RAP1GAP2: variants seen among roughly 807,000 people sequenced by gnomAD.
The protein encoded by RAP1GAP2 is rap1 GTPase-activating protein 2.
RAP1GAP2 carries 27 observed loss-of-function variants against 95.0 expected under a neutral mutation model. The observed-to-expected ratio is 0.28, with a 90% CI of 0.21 to 0.39. RAP1GAP2 has a LOEUF of 0.39. Ranked by LOEUF, RAP1GAP2 falls within the 10% of genes least tolerant of loss-of-function variation. The pLI, the probability that RAP1GAP2 is intolerant of heterozygous loss-of-function variation, is 1.00. For missense variants in RAP1GAP2, 771 were observed against 970.0 expected, an observed-to-expected ratio of 0.79 and a Z score of 2.72; for synonymous variants, 373 against 380.9, an observed-to-expected ratio of 0.98 and a Z score of 0.24.
chr17:2,895,972 C>T (rs1321264817), intron 2 of RAP1GAP2, among the ~76,000 whole-genome samples: 2 of 152,018 alleles, frequency 1.3e-5, no homozygotes, highest in Middle Eastern at 3.2e-3. Context: ...ATGCTGGTCA[C>T]GTTCCTCTGC....
In RAP1GAP2 at chr17:2,851,707, G is replaced by T. The variant is rs147211715; in HGVS notation, c.80+51157G>T. On this transcript the variant is annotated intron_variant, in intron 2 of 24. Transcript: ENST00000254695. ...GAGAATGAATAATGGAACCTGCATGGTGGATTTTGTGCCTTCATCATCCCA... is the reference window on the plus strand; with the variant it reads ...GAGAATGAATAATGGAACCTGCATGTTGGATTTTGTGCCTTCATCATCCCA... 1.5e-3 allele frequency among the ~76,000 whole-genome samples: 225 copies of T among 152,268 alleles called. 1 individual carries two copies. Among genetic ancestry groups the T allele is most frequent in the Non-Finnish European group, 2.5e-3 (171 of 68,020 alleles).
chr17:2,923,821 C>T (rs112270452), intron 3 of RAP1GAP2, among the ~76,000 whole-genome samples: 312 of 152,208 alleles, frequency 2.0e-3, no homozygotes, highest in African/African-American at 7.0e-3. Context: ...CAGAAATATC[C>T]GTTCTTACCA....
At chr17:2,778,890 A>C (rs1199090646) in intron 1 of RAP1GAP2, among the ~76,000 whole-genome samples, 1 of 152,234 alleles carries the variant, frequency 6.6e-6, no homozygotes, top group Non-Finnish European at 1.5e-5. Flanking sequence ...CCTTACAGAC[A>C]GAACTGCTCT....
intron 1 of RAP1GAP2, among the ~76,000 whole-genome samples, chr17:2,798,783 C>T (rs565713521): frequency 6.6e-6 from 1 of 152,338 alleles, no homozygotes; most frequent in Admixed American, 6.5e-5. Context: ...CCTGAGGCCA[C>T]ACCCTGATGT....
In RAP1GAP2 at chr17:2,963,859, G is replaced by T; in HGVS notation, c.283G>T (p.Val95Leu). Residue 95 changes from valine to leucine, a missense_variant, in exon 7 of 25, where the codon GTG (valine) becomes TTG (leucine). Val to Leu is a conservative substitution (Grantham distance 32). Coordinates refer to ENST00000254695, the MANE Select transcript of RAP1GAP2 (RefSeq NM_015085.5). The surrounding 1 kb of genome is among the most constrained non-coding windows in gnomAD (Gnocchi z 4.8). ...ACGACCCTCCCTCTGCCTTCAGGTT[G>T]TGGAGAAGGGAGGCCCGTACCCTCA... The part of the protein sequence containing the change: ...YIPYPSIDEV[V>L]EKGGPYPQVI... 1 of 1,600,036 alleles carries T rather than the reference G, an allele frequency of 6.2e-7. No homozygotes were observed. Among genetic ancestry groups the T allele is most frequent in the Non-Finnish European group, 8.5e-7 (1 of 1,173,218 alleles).
chr17:2,929,745 T>C (rs1416628063), intron 3 of RAP1GAP2, among the ~76,000 whole-genome samples: 7 of 152,190 alleles, frequency 4.6e-5, no homozygotes, highest in African/African-American at 1.7e-4. Context: ...CAGTGGGCTC[T>C]TTTCCTGGGT....
At chr17:2,772,860 T>TTTC (rs2068424413), upstream of RAP1GAP2, among the ~76,000 whole-genome samples, 1 of 145,106 alleles carries the variant, frequency 6.9e-6, no homozygotes, top group Non-Finnish European at 1.5e-5. Flanking sequence ...TCTTTCTTTT[T>TTTC]TTTTTTTTTT....
At chr17:2,889,863 G>GTGTA (rs1363693850) in intron 2 of RAP1GAP2, among the ~76,000 whole-genome samples, 9 of 79,844 alleles carry the variant, frequency 1.1e-4, no homozygotes, top group Admixed American at 1.7e-4. Flanking sequence ...TTATGTGTGT[G>GTGTA]TATATATATA....
intron 2 of RAP1GAP2, among the ~76,000 whole-genome samples, chr17:2,854,289 C>A (rs1047328537): frequency 5.9e-5 from 9 of 152,166 alleles, no homozygotes; most frequent in African/African-American, 1.9e-4. Flanking sequence ...GGAGCCTGGG[C>A]AGGACCTTGG....
chr17:3,024,093 T>C (rs1321647928), intron 19 of RAP1GAP2, among the ~76,000 whole-genome samples: 2 of 152,156 alleles, frequency 1.3e-5, no homozygotes, highest in Admixed American at 6.5e-5. Context: ...GATTGCTTAA[T>C]TAATATGACC....
chr17:3,030,172 T>C (rs2047247878), intron 22 of RAP1GAP2, among the ~76,000 whole-genome samples: 1 of 106,434 alleles, frequency 9.4e-6, no homozygotes, highest in Non-Finnish European at 2.1e-5. Context: ...GTATAATATA[T>C]ATTATACACA....
intron 2 of RAP1GAP2, among the ~76,000 whole-genome samples, chr17:2,862,808 G>A (rs904662726): frequency 6.6e-6 from 1 of 151,978 alleles, no homozygotes; most frequent in Non-Finnish European, 1.5e-5. Context: ...GACCAGCCTG[G>A]CCAACGTGGC....
intron 2 of RAP1GAP2, among the ~76,000 whole-genome samples, chr17:2,837,624 TGAG>T (rs2071194773): frequency 9.1e-6 from 1 of 109,588 alleles, no homozygotes; most frequent in African/African-American, 3.7e-5. Flanking sequence ...TTTTTTTTTT[TGAG>T]ATGGAGTCTC....
At chr17:3,002,364 G>T (rs2046190801) in intron 14 of RAP1GAP2, among the ~76,000 whole-genome samples, 1 of 152,188 alleles carries the variant, frequency 6.6e-6, no homozygotes, top group Non-Finnish European at 1.5e-5. Flanking sequence ...GTGGTACCTT[G>T]ATCGTGCACT....
chr17:2,757,848 T>C (rs1408751865), intron 1 of RAP1GAP2, among the ~76,000 whole-genome samples: 2 of 151,912 alleles, frequency 1.3e-5, no homozygotes, highest in Non-Finnish European at 2.9e-5. Context: ...GGGTTGTTTC[T>C]TGGGCTGGAC....
At chr17:2,927,401 C>T (rs968761192) in intron 3 of RAP1GAP2, among the ~76,000 whole-genome samples, 16 of 152,298 alleles carry the variant, frequency 1.1e-4, no homozygotes, top group Admixed American at 4.6e-4. Flanking sequence ...GATCCGCCCG[C>T]CTTGGCCTCC....
chr17:2,853,163 ACT>A (rs1567710892), intron 2 of RAP1GAP2, among the ~76,000 whole-genome samples: 1 of 151,200 alleles, frequency 6.6e-6, no homozygotes, highest in African/African-American at 2.4e-5. Context: ...CCTTGCGCCG[ACT>A]CTGCGGGGAG....
At position 3,008,160 on chromosome 17, in the gene RAP1GAP2, G is replaced by C; in HGVS notation, c.1494+15G>C. ...AGTCTTTTAAGGTATGAGCGTCAGA[G>C]TGACTGATGGTTGCTGTGGGGTTGG... is the stretch of plus-strand genomic sequence containing the variant. On this transcript the variant is annotated intron_variant, in intron 17 of 24. Coordinates refer to ENST00000254695, the MANE Select transcript of RAP1GAP2 (RefSeq NM_015085.5). The surrounding 1 kb of genome is among the most constrained non-coding windows in gnomAD (Gnocchi z 4.2). 6.2e-7 allele frequency: 1 copy of C among 1,613,744 alleles called. No homozygotes were observed. The highest frequency in any genetic ancestry group is 1.7e-4 in the Middle Eastern group (1 of 6,058).
chr17:2,897,376 G>C (rs183665283), intron 2 of RAP1GAP2, among the ~76,000 whole-genome samples: 2 of 151,908 alleles, frequency 1.3e-5, no homozygotes, highest in Non-Finnish European at 2.9e-5. Context: ...TGGGTGTCCA[G>C]AAGCCAGTTG....
Sources: gnomAD v4.1 joint callset for allele counts (sites outside exome capture counted in the v4.1 genomes callset) on GRCh38, gnomAD v4.1.1 for gene constraint, Gnocchi (gnomAD v3.1) non-coding constraint, MANE v1.5 for transcripts, NCBI Gene and HGNC (gene_info 2026-07-23, HGNC 2026-07-21) for gene names.